Variants in IGBP1C observed in about 807,000 individuals in gnomAD.
The protein encoded by IGBP1C is immunoglobulin-binding protein 1 family member C.
chr17:58,666,686 A>G, the IGBP1C span: 1 of 152,218 alleles, frequency 6.6e-6, no homozygotes, highest in African/African-American at 2.4e-5. Flanking sequence ...ATTTCTCCTG[A>G]CAGGTAATTA....
At chr17:58,660,559 T>C in the IGBP1C span, 1 of 780,008 alleles carries the variant, frequency 1.3e-6, no homozygotes, top group South Asian at 1.4e-5. Flanking sequence ...CCTGCAGTCC[T>C]GCGGTGTTGT....
chr17:58,687,164 A>G, the IGBP1C span, among the ~76,000 whole-genome samples: 2 of 152,028 alleles, frequency 1.3e-5, no homozygotes, highest in African/African-American at 4.8e-5. Context: ...CTGACAGAAG[A>G]TTTGCTGGAG....
the IGBP1C span, among the ~76,000 whole-genome samples, chr17:58,676,501 A>C: frequency 6.6e-6 from 1 of 152,122 alleles, no homozygotes; most frequent in Non-Finnish European, 1.5e-5. Context: ...CAGAGGTTGC[A>C]GTGAGCCAAG....
the IGBP1C span, among the ~76,000 whole-genome samples, chr17:58,686,861 C>CTTTTTT: frequency 2.8e-5 from 2 of 71,536 alleles, no homozygotes; most frequent in East Asian, 4.7e-4. Context: ...GAAAGGTCAC[C>CTTTTTT]TTTTTTTTTT....
chr17:58,671,721 C>A, the IGBP1C span, among the ~76,000 whole-genome samples: 3 of 152,174 alleles, frequency 2.0e-5, no homozygotes, highest in South Asian at 6.2e-4. Context: ...TTTGCTAGAT[C>A]AGAAATATAT....
chr17:58,681,741 G>A, the IGBP1C span, among the ~76,000 whole-genome samples: 1 of 151,902 alleles, frequency 6.6e-6, no homozygotes, highest in South Asian at 2.1e-4. Context: ...TACCCAGGAG[G>A]CTGATGAAGG....
chr17:58,664,867 G>A, the IGBP1C span, among the ~76,000 whole-genome samples: 2 of 152,172 alleles, frequency 1.3e-5, no homozygotes, highest in East Asian at 1.9e-4. Flanking sequence ...CAGTGTGCCT[G>A]TGGTACGTAA....
chr17:58,676,954 T>TA, the IGBP1C span, among the ~76,000 whole-genome samples: 1 of 151,616 alleles, frequency 6.6e-6, no homozygotes, highest in South Asian at 2.1e-4. Flanking sequence ...CCGTCTCTAC[T>TA]AAAAAATACA....
At chr17:58,684,588 G>A in the IGBP1C span, among the ~76,000 whole-genome samples, 7 of 150,786 alleles carry the variant, frequency 4.6e-5, no homozygotes, top group African/African-American at 1.7e-4. Context: ...TGAGAAGATC[G>A]TGCCACTGCA....
chr17:58,676,864 C>T, the IGBP1C span, among the ~76,000 whole-genome samples: 1 of 152,042 alleles, frequency 6.6e-6, no homozygotes, highest in South Asian at 2.1e-4. Flanking sequence ...GGTGGGGTGG[C>T]TCACGCCTGT....
the IGBP1C span, chr17:58,677,638 G>A: frequency 6.6e-6 from 1 of 152,200 alleles, no homozygotes; most frequent in Non-Finnish European, 1.5e-5. Flanking sequence ...CCCACATTTG[G>A]GGAAATCACA....
At chr17:58,679,928 G>A in the IGBP1C span, among the ~76,000 whole-genome samples, 1 of 152,096 alleles carries the variant, frequency 6.6e-6, no homozygotes, top group Non-Finnish European at 1.5e-5. Flanking sequence ...CACCCCTTTG[G>A]ATGATCTCAT....
chr17:58,671,899 A>C, the IGBP1C span, among the ~76,000 whole-genome samples: 2 of 151,952 alleles, frequency 1.3e-5, no homozygotes, highest in African/African-American at 4.8e-5. Context: ...CCCTAGCCCC[A>C]TCTCTCACCT....
At chr17:58,678,880 G>A in the IGBP1C span, among the ~76,000 whole-genome samples, 4 of 149,560 alleles carry the variant, frequency 2.7e-5, no homozygotes, top group Non-Finnish European at 5.9e-5. Context: ...GGAGCCAGGC[G>A]CCGTGGCTCA....
At chr17:58,684,387 G>A in the IGBP1C span, among the ~76,000 whole-genome samples, 1,872 of 151,828 alleles carry the variant, frequency 0.012, 16 homozygotes, top group Middle Eastern at 0.041. Flanking sequence ...GCTTGAACAC[G>A]GGAGGCGGAG....
chr17:58,662,230 TAGG>T, the IGBP1C span, among the ~76,000 whole-genome samples: 1 of 151,376 alleles, frequency 6.6e-6, no homozygotes, highest in Non-Finnish European at 1.5e-5. Context: ...GTGGGCGGAC[TAGG>T]AGGTCAGGAG....
the IGBP1C span, among the ~76,000 whole-genome samples, chr17:58,664,185 T>C: frequency 2.6e-5 from 4 of 152,268 alleles, no homozygotes; most frequent in Non-Finnish European, 5.9e-5. Flanking sequence ...ATTATTGAAC[T>C]ACCTTCCTAA....
chr17:58,673,700 C>G, the IGBP1C span, among the ~76,000 whole-genome samples: 3 of 151,554 alleles, frequency 2.0e-5, no homozygotes, highest in African/African-American at 7.3e-5. Flanking sequence ...TAGCTGGGAC[C>G]ACAGGCATGC....
chr17:58,672,706 G>A, the IGBP1C span, among the ~76,000 whole-genome samples: 2 of 151,752 alleles, frequency 1.3e-5, no homozygotes, highest in African/African-American at 2.4e-5. Flanking sequence ...ACAACTGTGA[G>A]CCACCATACC....
Sources: gnomAD v4.1 joint callset for allele counts (sites outside exome capture counted in the v4.1 genomes callset) on GRCh38, gnomAD v4.1.1 for gene constraint, MANE v1.5 for transcripts, NCBI Gene and HGNC (gene_info 2026-07-23, HGNC 2026-07-21) for gene names.